The following CSTPP1 variants were observed in gnomAD, a reference collection of about 807,000 sequenced individuals.
CSTPP1 encodes centriolar satellite-associated tubulin polyglutamylase complex regulator 1, also known as UPF0705 protein C11orf49.
At chr11:47,118,433 C>T in the CSTPP1 span, among the ~76,000 whole-genome samples, 3 of 152,176 alleles carry the variant, frequency 2.0e-5, no homozygotes, top group Non-Finnish European at 4.4e-5. Flanking sequence ...TATTACCAAC[C>T]TTCTGACGCC....
chr11:47,045,988 T>C, the CSTPP1 span, among the ~76,000 whole-genome samples: 1 of 152,004 alleles, frequency 6.6e-6, no homozygotes, highest in Admixed American at 6.6e-5. Flanking sequence ...GGTTTCACCA[T>C]GTTGGCCAGG....
chr11:46,944,738 G>A, the CSTPP1 span, among the ~76,000 whole-genome samples: 1 of 152,304 alleles, frequency 6.6e-6, no homozygotes, highest in Middle Eastern at 3.4e-3. Context: ...TCCTAAAGGA[G>A]GGATAATAAA....
the CSTPP1 span, among the ~76,000 whole-genome samples, chr11:47,033,742 T>C: frequency 6.6e-6 from 1 of 152,222 alleles, no homozygotes; most frequent in Non-Finnish European, 1.5e-5. Context: ...CCTCCCAGAC[T>C]TTCTTGATGT....
At chr11:47,052,677 C>T in the CSTPP1 span, 1 of 987,272 alleles carries the variant, frequency 1.0e-6, no homozygotes, top group Non-Finnish European at 1.4e-6. Context: ...GCATGCTATT[C>T]AAGGCATTTA....
At chr11:47,161,276 T>TTGTC in the CSTPP1 span, 3 of 1,609,256 alleles carry the variant, frequency 1.9e-6, no homozygotes, top group African/African-American at 4.0e-5. Context: ...CCAACACCAC[T>TTGTC]TGTCTGTAAC....
At chr11:47,128,982 C>T in the CSTPP1 span, among the ~76,000 whole-genome samples, 18 of 152,296 alleles carry the variant, frequency 1.2e-4, no homozygotes, top group Non-Finnish European at 7.3e-5. Context: ...TGAGGTATAT[C>T]ACCATTGGGA....
chr11:47,038,133 C>T, the CSTPP1 span, among the ~76,000 whole-genome samples: 2 of 1,610 alleles, frequency 1.2e-3, no homozygotes, highest in African/African-American at 2.6e-3. Flanking sequence ...CCGGATGGGG[C>T]GGCTGGCCCG....
chr11:47,111,818 C>T, the CSTPP1 span, among the ~76,000 whole-genome samples: 1 of 152,150 alleles, frequency 6.6e-6, no homozygotes, highest in Non-Finnish European at 1.5e-5. Context: ...AACAGAAGAT[C>T]TTCATGTAAA....
chr11:46,974,857 AACACACACACAC>A, the CSTPP1 span, among the ~76,000 whole-genome samples: 19,547 of 144,102 alleles, frequency 0.14, 3,146 homozygotes, highest in African/African-American at 0.39. Flanking sequence ...TCTATCTCAA[AACACACACACAC>A]ACACACACAC....
the CSTPP1 span, chr11:47,123,236 G>C: frequency 6.6e-6 from 1 of 152,150 alleles, no homozygotes; most frequent in Non-Finnish European, 1.5e-5. Context: ...AGAAGCATAC[G>C]TGTTATTCGG....
chr11:46,976,735 G>A, the CSTPP1 span, among the ~76,000 whole-genome samples: 1 of 152,104 alleles, frequency 6.6e-6, no homozygotes, highest in Non-Finnish European at 1.5e-5. Context: ...TCATCCATGA[G>A]TATATGCAGG....
the CSTPP1 span, among the ~76,000 whole-genome samples, chr11:46,983,018 T>G: frequency 8.5e-5 from 13 of 152,330 alleles, no homozygotes; most frequent in Middle Eastern, 3.4e-3. Flanking sequence ...CAGGTTCAGT[T>G]GGCTCAAGAA....
chr11:46,945,160 C>G, the CSTPP1 span, among the ~76,000 whole-genome samples: 1 of 152,106 alleles, frequency 6.6e-6, no homozygotes, highest in Non-Finnish European at 1.5e-5. Flanking sequence ...AAACCCAATT[C>G]TATTCTAGGA....
the CSTPP1 span, among the ~76,000 whole-genome samples, chr11:47,078,227 C>T: frequency 2.0e-5 from 3 of 152,142 alleles, no homozygotes; most frequent in Non-Finnish European, 4.4e-5. Flanking sequence ...TTAAGTATGA[C>T]AGGTTAGAAG....
chr11:47,049,407 T>C, the CSTPP1 span, among the ~76,000 whole-genome samples: 1 of 151,870 alleles, frequency 6.6e-6, no homozygotes, highest in Non-Finnish European at 1.5e-5. Flanking sequence ...GAGGCTGAGA[T>C]GGGTGGATCA....
At chr11:46,996,441 C>G in the CSTPP1 span, among the ~76,000 whole-genome samples, 2 of 152,118 alleles carry the variant, frequency 1.3e-5, no homozygotes, top group East Asian at 3.9e-4. Flanking sequence ...CTAGCTGGGA[C>G]TACAGGCACG....
the CSTPP1 span, among the ~76,000 whole-genome samples, chr11:47,042,673 T>G: frequency 5.9e-5 from 9 of 152,186 alleles, no homozygotes; most frequent in Non-Finnish European, 1.3e-4. Flanking sequence ...AAAAAATTGC[T>G]CAATGAAATT....
the CSTPP1 span, among the ~76,000 whole-genome samples, chr11:47,000,613 G>A: frequency 6.6e-6 from 1 of 152,134 alleles, no homozygotes; most frequent in South Asian, 2.1e-4. Context: ...TTAAGGATAC[G>A]TGAGAATATG....
At chr11:47,038,653 G>A in the CSTPP1 span, among the ~76,000 whole-genome samples, 12 of 121,224 alleles carry the variant, frequency 9.9e-5, 1 homozygote, top group African/African-American at 3.0e-4. Context: ...CCTCTCTCCC[G>A]GACGGGGTGG....
Sources: gnomAD v4.1 joint callset for allele counts (sites outside exome capture counted in the v4.1 genomes callset) on GRCh38, gnomAD v4.1.1 for gene constraint, MANE v1.5 for transcripts, NCBI Gene and HGNC (gene_info 2026-07-23, HGNC 2026-07-21) for gene names.